Variants in ELP4 observed in about 807,000 individuals in gnomAD.
ELP4 encodes elongator acetyltransferase complex subunit 4.
A neutral mutation model predicts 48.9 loss-of-function variants in ELP4; 51 were observed. The ratio of observed to expected loss-of-function variants is 1.04; its 90% CI spans 0.83 to 1.32. The LOEUF is 1.32. Among genes scored for constraint, ELP4 ranks in the 40% most tolerant of loss-of-function variants. ELP4 has a pLI of 0.00. For synonymous variants in ELP4, 210 were observed against 189.2 expected, an observed-to-expected ratio of 1.11 and a Z score of -0.90; for missense variants, 519 against 514.6, an observed-to-expected ratio of 1.01 and a Z score of -0.08.
chr11:31,625,121 A>T (rs1372115216), intron 5 of ELP4, among the ~76,000 whole-genome samples: 1 of 151,748 alleles, frequency 6.6e-6, no homozygotes, highest in East Asian at 1.9e-4. Flanking sequence ...TATTATGTAC[A>T]ATACATAATT....
chr11:31,753,764 G>A (rs1231650513), intron 9 of ELP4, among the ~76,000 whole-genome samples: 1 of 152,066 alleles, frequency 6.6e-6, no homozygotes, highest in Non-Finnish European at 1.5e-5. Flanking sequence ...GATTGCATTT[G>A]TATGAAATTT....
chr11:31,706,622 T>G (rs1228265309), intron 9 of ELP4, among the ~76,000 whole-genome samples: 1 of 148,558 alleles, frequency 6.7e-6, no homozygotes, highest in Non-Finnish European at 1.5e-5. Context: ...ATTTATATAT[T>G]TAATTCATAT....
intron 7 of ELP4, chr11:31,637,269 C>G (rs1945000954): frequency 6.6e-6 from 1 of 151,728 alleles, no homozygotes; most frequent in Non-Finnish European, 1.5e-5. Context: ...GTCTCTCAGA[C>G]TCAAGCAGTA....
In ELP4 at chr11:31,789,789, G is replaced by T; in HGVS notation, c.*6265G>T. The T allele has an allele frequency of 1.3e-6, 1 of 761,750 alleles. No homozygotes were observed. The highest frequency in any genetic ancestry group is 2.3e-6 in the Non-Finnish European group (1 of 430,554). The allele number at this position is 761,750 out of a possible 1,614,324, so 47.2% of individuals were successfully genotyped here. A position where few individuals can be genotyped will look rare whatever the true frequency, so the allele number is the denominator to read the frequency against. On this transcript the variant is annotated 3_prime_UTR_variant, in exon 10 of 10. Transcript: ENST00000640961. ...GTTTCAAGTCCATTCCTTCCCCAGT[G>T]GTACAATACAGGACACAATTGTAGA...
intron 3 of ELP4, among the ~76,000 whole-genome samples, chr11:31,547,162 AC>A (rs1323221477): frequency 2.0e-5 from 3 of 152,230 alleles, no homozygotes; most frequent in Admixed American, 1.3e-4. Context: ...AAATAGAGAT[AC>A]AAAAAGCCCT....
intron 9 of ELP4, among the ~76,000 whole-genome samples, chr11:31,733,334 A>C (rs1263562767): frequency 1.3e-5 from 2 of 151,930 alleles, no homozygotes; most frequent in Non-Finnish European, 2.9e-5. Context: ...AAGCCTAGCC[A>C]GGAGTGGTGG....
At chr11:31,704,103 T>A (rs1009145286) in intron 9 of ELP4, among the ~76,000 whole-genome samples, 5 of 151,978 alleles carry the variant, frequency 3.3e-5, no homozygotes, top group East Asian at 1.9e-4. Flanking sequence ...AAAAAAAAAA[T>A]TTAGTTTGCA....
chr11:31,670,496 A>G (rs1945785561), intron 9 of ELP4, among the ~76,000 whole-genome samples: 1 of 152,168 alleles, frequency 6.6e-6, no homozygotes, highest in Non-Finnish European at 1.5e-5. Flanking sequence ...GAAGATTTGC[A>G]GCCACTCTGC....
intron 9 of ELP4, among the ~76,000 whole-genome samples, chr11:31,724,412 T>C (rs1947031778): frequency 1.3e-5 from 2 of 152,266 alleles, no homozygotes; most frequent in East Asian, 3.8e-4. Flanking sequence ...TGAAATGCTG[T>C]TATAAAATAT....
intron 9 of ELP4, among the ~76,000 whole-genome samples, chr11:31,705,392 A>C (rs1432273504): frequency 3.9e-5 from 6 of 152,170 alleles, no homozygotes; most frequent in Non-Finnish European, 7.4e-5. Context: ...TTAACATATG[A>C]ATTTGGGGAC....
intron 5 of ELP4, among the ~76,000 whole-genome samples, chr11:31,606,645 G>C (rs1473263548): frequency 6.6e-6 from 1 of 152,116 alleles, no homozygotes; most frequent in African/African-American, 2.4e-5. Flanking sequence ...AGATAGTTTT[G>C]TTTGGATATT....
chr11:31,563,785 A>G (rs999202566), intron 3 of ELP4, among the ~76,000 whole-genome samples: 7 of 152,256 alleles, frequency 4.6e-5, no homozygotes, highest in South Asian at 2.1e-4. Context: ...CTTGAGAACC[A>G]TAAGCACCAA....
chr11:31,726,082 T>G (rs1394380025), intron 9 of ELP4, among the ~76,000 whole-genome samples: 2 of 152,166 alleles, frequency 1.3e-5, no homozygotes, highest in Non-Finnish European at 2.9e-5. Context: ...AAAGATAATC[T>G]CAGAGGAGAA....
chr11:31,744,942 G>A (rs1359356912), intron 9 of ELP4, among the ~76,000 whole-genome samples: 1 of 152,174 alleles, frequency 6.6e-6, no homozygotes, highest in East Asian at 1.9e-4. Flanking sequence ...AAAAGAGGAA[G>A]TCAAATTGTC....
chr11:31,566,075 C>A (rs1957106293), intron 3 of ELP4, among the ~76,000 whole-genome samples: 1 of 152,046 alleles, frequency 6.6e-6, no homozygotes, highest in South Asian at 2.1e-4. Flanking sequence ...CTCATGCTTA[C>A]AACTTGCTTA....
chr11:31,617,253 T>G (rs887082483), intron 5 of ELP4, among the ~76,000 whole-genome samples: 1 of 152,110 alleles, frequency 6.6e-6, no homozygotes, highest in African/African-American at 2.4e-5. Flanking sequence ...ACATATTTCA[T>G]ATATAAATAC....
intron 3 of ELP4, among the ~76,000 whole-genome samples, chr11:31,555,004 T>C (rs1956907617): frequency 6.6e-6 from 1 of 152,226 alleles, no homozygotes; most frequent in Non-Finnish European, 1.5e-5. Flanking sequence ...ATGTCATTAT[T>C]TGCTTTTAAA....
At chr11:31,610,066 A>C (rs1157157725) in intron 5 of ELP4, among the ~76,000 whole-genome samples, 4 of 152,030 alleles carry the variant, frequency 2.6e-5, no homozygotes, top group Non-Finnish European at 4.4e-5. Flanking sequence ...GAAAATTTAC[A>C]CTCACAAGAA....
At chr11:31,551,804 G>T (rs1956857870) in intron 3 of ELP4, among the ~76,000 whole-genome samples, 1 of 152,042 alleles carries the variant, frequency 6.6e-6, no homozygotes, top group Non-Finnish European at 1.5e-5. Flanking sequence ...TCAGCAACTT[G>T]TTTGTACATT....
Sources: gnomAD v4.1 joint callset for allele counts (sites outside exome capture counted in the v4.1 genomes callset) on GRCh38, gnomAD v4.1.1 for gene constraint, MANE v1.5 for transcripts, NCBI Gene and HGNC (gene_info 2026-07-23, HGNC 2026-07-21) for gene names.